The following VPS26C variants were observed in gnomAD, a reference collection of about 807,000 sequenced individuals.
VPS26C encodes the protein vacuolar protein sorting-associated protein 26C.
A neutral mutation model predicts 30.6 loss-of-function variants in VPS26C; 19 were observed. The ratio of observed to expected loss-of-function variants is 0.62; its 90% CI spans 0.43 to 0.91. The LOEUF (loss-of-function observed/expected upper bound fraction) is 0.91, where lower values mean the gene tolerates loss of function less well. VPS26C is among the 40% of genes least tolerant of loss of function. The pLI, the probability that VPS26C is intolerant of heterozygous loss-of-function variation, is 0.00. For missense variants in VPS26C, 318 were observed against 385.1 expected (o/e 0.83, Z 1.46); for synonymous variants, 132 against 151.5 (o/e 0.87, Z 0.95).
At chr21:37,250,822 C>T (rs1049927366) in intron 1 of VPS26C, among the ~76,000 whole-genome samples, 3 of 150,968 alleles carry the variant, frequency 2.0e-5, no homozygotes, top group Non-Finnish European at 4.4e-5. Flanking sequence ...ATTACTTGAA[C>T]CCGGGAGGCG....
At chr21:37,264,397 G>A (rs2086337830) in intron 1 of VPS26C, among the ~76,000 whole-genome samples, 1 of 152,162 alleles carries the variant, frequency 6.6e-6, no homozygotes, top group African/African-American at 2.4e-5. Context: ...GCAGGAAGTG[G>A]TCCTGGCTGT....
intron 7 of VPS26C, chr21:37,227,401 C>A: frequency 1.9e-6 from 1 of 512,874 alleles, no homozygotes; most frequent in Non-Finnish European, 3.5e-6. Flanking sequence ...TGTGTTTCCC[C>A]ATGTGACAGT....
chr21:37,244,656 C>T (rs1450991020), intron 1 of VPS26C, among the ~76,000 whole-genome samples: 1 of 152,138 alleles, frequency 6.6e-6, no homozygotes, highest in African/African-American at 2.4e-5. Context: ...GCATCAAGTC[C>T]GCGACCCCTC....
intron 3 of VPS26C, among the ~76,000 whole-genome samples, chr21:37,237,196 C>T (rs146533700): frequency 1.3e-5 from 2 of 152,302 alleles, no homozygotes; most frequent in South Asian, 2.1e-4. Context: ...TCTTGATGAA[C>T]GCAGGAGTTA....
rs2086257260 is a variant in VPS26C at position 37,257,628 on chromosome 21, T to G, written c.57+9610A>C. 6.6e-6 allele frequency among the ~76,000 whole-genome samples: 1 copy of G among 151,974 alleles called. No individual in the cohort carries two copies. Among genetic ancestry groups the G allele is most frequent in the Non-Finnish European group, 1.5e-5 (1 of 68,022 alleles). ...GTCACAAACTCCAGTGTGGTTGAAA[T>G]GAAAGCAGAAAGCAAATGGCAAGCT... On this transcript the variant is annotated intron_variant, in intron 1 of 7. Coordinates refer to ENST00000309117, the MANE Select transcript of VPS26C (RefSeq NM_006052.2). This position sits in a 1 kb window ranked among gnomAD's most constrained non-coding sequence, Gnocchi z 4.2.
At chr21:37,265,095 G>C (rs2148314144) in intron 1 of VPS26C, among the ~76,000 whole-genome samples, 1 of 152,328 alleles carries the variant, frequency 6.6e-6, no homozygotes, top group East Asian at 1.9e-4. Context: ...CAACTCCAGA[G>C]ACAAAGTCAA....
In VPS26C at chr21:37,257,878, G is replaced by A. The variant is rs563580784; in HGVS notation, c.57+9360C>T. 1.2e-4 allele frequency among the ~76,000 whole-genome samples: 18 copies of A among 152,326 alleles called. No homozygotes were observed. The highest frequency in any genetic ancestry group is 9.8e-4 in the Admixed American group (15 of 15,308). On this transcript the variant is annotated intron_variant, in intron 1 of 7. Transcript: ENST00000309117. The surrounding 1 kb of genome is among the most constrained non-coding windows in gnomAD (Gnocchi z 4.2). ...CGATGGGCTCTGCTGCCTCCGGGTG[G>A]GGCACCAAGCGGGGAGCGGGGCCAC...
rs2085993178 is a variant in VPS26C at position 37,233,920 on chromosome 21, G to A, written c.352-478C>T. On this transcript the variant is annotated intron_variant, in intron 3 of 7. Coordinates refer to ENST00000309117, the MANE Select transcript of VPS26C (RefSeq NM_006052.2). The surrounding 1 kb of genome is among the most constrained non-coding windows in gnomAD (Gnocchi z 5.2). ...GCGAGACTCCAATGAGATCATGTGT[G>A]ACAAGCACTCAGCACAGGGCTGGCA... Among the ~76,000 whole-genome samples the A allele has an allele frequency of 6.6e-6, 1 of 152,246 alleles. No homozygotes were observed. Among genetic ancestry groups the A allele is most frequent in the Admixed American group, 6.5e-5 (1 of 15,292 alleles).
intron 3 of VPS26C, among the ~76,000 whole-genome samples, chr21:37,234,590 C>T (rs543418135): frequency 6.6e-6 from 1 of 152,170 alleles, no homozygotes; most frequent in African/African-American, 2.4e-5. Flanking sequence ...ACATAATCCA[C>T]GTTTAATAAA....
intron 1 of VPS26C, among the ~76,000 whole-genome samples, chr21:37,255,872 T>TTTTTTTTTG (rs2086237890): frequency 6.9e-6 from 1 of 144,810 alleles, no homozygotes; most frequent in Non-Finnish European, 1.5e-5. Context: ...TTTTTTTTTT[T>TTTTTTTTTG]AGATAGAGGC....
chr21:37,243,772 C>T (rs980170253), intron 1 of VPS26C, among the ~76,000 whole-genome samples: 15 of 152,152 alleles, frequency 9.9e-5, no homozygotes, highest in African/African-American at 2.9e-4. Flanking sequence ...GAGCCAATCG[C>T]CCATCAATGC....
intron 1 of VPS26C, among the ~76,000 whole-genome samples, chr21:37,245,857 T>C (rs1374016134): frequency 6.6e-6 from 1 of 151,894 alleles, no homozygotes; most frequent in Non-Finnish European, 1.5e-5. Flanking sequence ...GAGGAAATGG[T>C]GAGGCAAAAG....
intron 1 of VPS26C, among the ~76,000 whole-genome samples, chr21:37,241,572 C>T (rs1437122197): frequency 6.6e-6 from 1 of 152,130 alleles, no homozygotes; most frequent in Admixed American, 6.5e-5. Flanking sequence ...AGTCCCAGCA[C>T]TTTCAGAGGC....
At chr21:37,235,641 AAAG>A (rs1309388453) in intron 3 of VPS26C, among the ~76,000 whole-genome samples, 4 of 152,080 alleles carry the variant, frequency 2.6e-5, no homozygotes, top group South Asian at 2.1e-4. Context: ...ATTATTGTAA[AAAG>A]AAGAAGTAGA....
At chr21:37,246,214 G>T (rs2086136548) in intron 1 of VPS26C, among the ~76,000 whole-genome samples, 1 of 152,022 alleles carries the variant, frequency 6.6e-6, no homozygotes, top group African/African-American at 2.4e-5. Flanking sequence ...ATTCAAAAAA[G>T]AAAATATCCT....
chr21:37,262,525 T>C (rs1456455815), intron 1 of VPS26C, among the ~76,000 whole-genome samples: 1 of 152,206 alleles, frequency 6.6e-6, no homozygotes, highest in African/African-American at 2.4e-5. Flanking sequence ...GAGATCAACA[T>C]ACATTGGCTG....
chr21:37,227,388 CTGTG>C (rs1031576561), intron 7 of VPS26C: 2 of 485,556 alleles, frequency 4.1e-6, no homozygotes, highest in African/African-American at 1.9e-5. Context: ...TGATGTGGGT[CTGTG>C]TGTTTCCCCA....
intron 1 of VPS26C, chr21:37,266,966 G>GA: frequency 5.4e-6 from 2 of 373,606 alleles, no homozygotes; most frequent in Non-Finnish European, 8.8e-6. Context: ...GATGGGAAGA[G>GA]CGCAGCCCCG....
intron 2 of VPS26C, 38 bp from the exon 3 acceptor site, chr21:37,238,647 T>C: frequency 1.2e-6 from 2 of 1,607,316 alleles, no homozygotes; most frequent in Non-Finnish European, 1.7e-6. Context: ...CAGCACACAC[T>C]TGGAAATGTC....
Sources: allele counts gnomAD v4.1 joint callset (sites outside exome capture counted in the v4.1 genomes callset), GRCh38; gene constraint gnomAD v4.1.1; non-coding constraint Gnocchi (gnomAD v3.1); transcripts MANE v1.5; gene names NCBI Gene and HGNC (gene_info 2026-07-23, HGNC 2026-07-21).